The following PDIA6 variants were observed in gnomAD, a reference collection of about 807,000 sequenced individuals.
The protein encoded by PDIA6 is protein disulfide isomerase family A member 6.
PDIA6 carries 29 observed loss-of-function variants against 58.4 expected under a neutral mutation model. The observed-to-expected ratio is 0.50, with a 90% CI of 0.37 to 0.68. PDIA6 has a LOEUF of 0.68. Among genes scored for constraint, PDIA6 ranks in the 30% least tolerant of loss-of-function variants. The pLI, the probability that PDIA6 is intolerant of heterozygous loss-of-function variation, is 0.00. For missense variants in PDIA6, 480 were observed against 551.0 expected, an observed-to-expected ratio of 0.87 and a Z score of 1.29; for synonymous variants, 192 against 202.6, an observed-to-expected ratio of 0.95 and a Z score of 0.44.
At chr2:10,790,940 C>T (rs1274670877) in intron 6 of PDIA6, 107 bp from the exon 7 acceptor site, 1 of 723,574 alleles carries the variant, frequency 1.4e-6, no homozygotes, top group Non-Finnish European at 2.4e-6. Flanking sequence ...GCCTCAATCT[C>T]CTGGGCTCAG....
upstream of PDIA6, chr2:10,837,407 T>C: frequency 3.2e-6 from 2 of 620,706 alleles, no homozygotes; most frequent in Non-Finnish European, 5.8e-6. Flanking sequence ...AAAACATACG[T>C]GAGGAAATCA....
chr2:10,786,318 T>TGG (rs200685250), intron 11 of PDIA6, among the ~76,000 whole-genome samples: 4 of 136,800 alleles, frequency 2.9e-5, no homozygotes, highest in African/African-American at 1.1e-4. Flanking sequence ...GTCTCGGGGG[T>TGG]GGGGGGGAAA....
intron 2 of PDIA6, among the ~76,000 whole-genome samples, chr2:10,818,468 A>C (rs1667270698): frequency 6.8e-6 from 1 of 147,368 alleles, no homozygotes; most frequent in Non-Finnish European, 1.5e-5. Context: ...TGCCCAGCTC[A>C]CTTTAACCAT....
intron 2 of PDIA6, among the ~76,000 whole-genome samples, chr2:10,801,394 T>G (rs547248489): frequency 6.6e-6 from 1 of 152,358 alleles, no homozygotes; most frequent in East Asian, 1.9e-4. Flanking sequence ...AATTATGCTG[T>G]CTTGCAGAGT....
At chr2:10,829,243 CT>C (rs1438715195) in intron 1 of PDIA6, among the ~76,000 whole-genome samples, 1 of 152,218 alleles carries the variant, frequency 6.6e-6, no homozygotes, top group Non-Finnish European at 1.5e-5. Flanking sequence ...CCCAGGGTCT[CT>C]TTTGGGCCAC....
At position 10,812,664 on chromosome 2, in the gene PDIA6, T is replaced by C. The variant is rs6726687; in HGVS notation, c.19+14A>G. ...CCCCAGCTCGCCCGCCTCCCTCCGC[T>C]GGCCCGCACCTACCGAGCACCAGGA... On this transcript the variant is annotated intron_variant, in intron 1 of 12. Coordinates refer to ENST00000272227, the MANE Select transcript of PDIA6 (RefSeq NM_005742.4). The C allele has an allele frequency of 0.57, 867,956 of 1,524,286 alleles. 249,109 individuals carry two copies. The highest frequency in any genetic ancestry group is 0.61 in the Middle Eastern group (3,482 of 5,732). The allele number at this position is 1,524,286 out of a possible 1,614,324, so 94.4% of individuals were successfully genotyped here.
intron 1 of PDIA6, among the ~76,000 whole-genome samples, chr2:10,826,602 T>C (rs1035761242): frequency 1.8e-4 from 28 of 152,232 alleles, no homozygotes; most frequent in African/African-American, 6.5e-4. Flanking sequence ...TCAGGTGATC[T>C]GCTTGCCTCA....
intron 1 of PDIA6, chr2:10,832,069 T>C (rs1447108048): frequency 6.7e-6 from 1 of 149,954 alleles, no homozygotes; most frequent in East Asian, 1.9e-4. Flanking sequence ...AGATATTTAC[T>C]GAGCACCTAT....
At chr2:10,819,742 T>C (rs548962149) in intron 1 of PDIA6, among the ~76,000 whole-genome samples, 1 of 152,276 alleles carries the variant, frequency 6.6e-6, no homozygotes, top group African/African-American at 2.4e-5. Context: ...GTAATTCCTT[T>C]ATACACAGTT....
chr2:10,793,642 G>C (rs754815924), intron 4 of PDIA6, among the ~76,000 whole-genome samples: 2 of 152,164 alleles, frequency 1.3e-5, no homozygotes, highest in Non-Finnish European at 2.9e-5. Flanking sequence ...GGGATCACAA[G>C]TGTGAGCCAC....
chr2:10,807,502 C>G (rs1057199049), intron 1 of PDIA6, among the ~76,000 whole-genome samples: 13 of 152,182 alleles, frequency 8.5e-5, no homozygotes, highest in African/African-American at 3.1e-4. Context: ...AATGTACTTA[C>G]AATGTTAACG....
At chr2:10,824,946 G>A (rs1318441589) in intron 1 of PDIA6, among the ~76,000 whole-genome samples, 1 of 152,122 alleles carries the variant, frequency 6.6e-6, no homozygotes, top group African/African-American at 2.4e-5. Flanking sequence ...TGCCAAAGGA[G>A]ATTAACATTT....
chr2:10,788,081 G>A (rs57282335), intron 10 of PDIA6, among the ~76,000 whole-genome samples: 32,163 of 122,744 alleles, frequency 0.26, 4,634 homozygotes, highest in Middle Eastern at 0.4. Context: ...AAAAAAAAAA[G>A]GATAAAATAG....
Position 10,789,773 on chromosome 2 carries a change from G to A in PDIA6, c.816C>T (p.Asn272=), listed in dbSNP as rs138784297. 36 of 1,613,708 alleles carry A rather than the reference G, an allele frequency of 2.2e-5. No homozygotes were observed. Among genetic ancestry groups the A allele is most frequent in the South Asian group, 1.1e-4 (10 of 91,076 alleles). The part of the protein sequence containing the change: ...VSRALDLFSD[N]APPPELLEII... ...CCTCAAGCAGCTCAGGAGGTGGGGC[G>A]TTATCAGAAAACAAATCAAGGGCCC... The change falls in exon 8 of 13, where the codon AAC becomes AAT. Residue 272 remains asparagine, a synonymous_variant. Coordinates refer to ENST00000272227, the MANE Select transcript of PDIA6 (RefSeq NM_005742.4).
chr2:10,822,348 C>T lies in PDIA6; in HGVS notation c.-47-2994G>A, dbSNP rs555327207. 1.9e-4 allele frequency among the ~76,000 whole-genome samples: 29 copies of T among 151,832 alleles called. No individual in the cohort carries two copies. The East Asian group carries it at 1.9e-3, about 10-fold the overall frequency. ...CGCGATCTAGGCTCACTGCAAGCTC[C>T]GCCTCCCGGGTTCATGCCATTCTCC... On this transcript the variant is annotated intron_variant, in intron 1 of 13. Coordinates refer to the PDIA6 transcript ENST00000381611.
At position 10,789,871 on chromosome 2, in the gene PDIA6, T is replaced by C; in HGVS notation, c.718A>G (p.Ile240Val). Residue 240 changes from isoleucine (I) to valine (V), a missense_variant, in exon 8 of 13, where the codon ATC becomes GTC. Coordinates refer to ENST00000272227, the MANE Select transcript of PDIA6 (RefSeq NM_005742.4). Reference sequence around the variant, plus strand: ...GACTCGCCTTTCTGAAATATCTTGATTGTAGGAAATCCTCTAATCTATTAA... The same window carrying C: ...GACTCGCCTTTCTGAAATATCTTGACTGTAGGAAATCCTCTAATCTATTAA... ...SRYGIRGFPT[I>V]KIFQKGESPV... is the part of the protein sequence containing the mutation. 1 of 1,613,606 alleles carries C rather than the reference T, an allele frequency of 6.2e-7. No homozygotes were observed. The highest frequency in any genetic ancestry group is 8.5e-7 in the Non-Finnish European group (1 of 1,179,632).
At chr2:10,790,923 C>T in intron 6 of PDIA6, 90 bp from the exon 7 acceptor site, 1 of 843,178 alleles carries the variant, frequency 1.2e-6, no homozygotes, top group East Asian at 2.5e-5. Flanking sequence ...AATCATGGCT[C>T]CCTGCAGCCT....
At chr2:10,787,077 C>G (rs146247014) in intron 11 of PDIA6, among the ~76,000 whole-genome samples, 6 of 152,126 alleles carry the variant, frequency 3.9e-5, no homozygotes, top group Non-Finnish European at 7.3e-5. Context: ...CTCCTCATCC[C>G]GCAAGCAGAG....
chr2:10,816,077 C>CTTTTTTTTTTTTTTTTTTTTT (rs57404091), upstream of PDIA6, among the ~76,000 whole-genome samples: 2 of 96,470 alleles, frequency 2.1e-5, no homozygotes, highest in African/African-American at 9.0e-5. Flanking sequence ...AATCATTTGT[C>CTTTTTTTTTTTTTTTTTTTTT]TTTTTTTTTT....
Sources: allele counts gnomAD v4.1 joint callset (sites outside exome capture counted in the v4.1 genomes callset), GRCh38; gene constraint gnomAD v4.1.1; transcripts MANE v1.5; gene names NCBI Gene and HGNC (gene_info 2026-07-23, HGNC 2026-07-21).